CHCHD6: variants seen among roughly 807,000 people sequenced by gnomAD.
The protein encoded by CHCHD6 is MICOS complex subunit MIC25.
CHCHD6 carries 28 observed loss-of-function variants against 32.3 expected under a neutral mutation model. That is an observed-to-expected ratio of 0.87 (90% CI 0.64 to 1.19). The LOEUF is 1.19. Ranked by LOEUF, CHCHD6 falls within the 50% of genes most tolerant of loss-of-function variation. CHCHD6 has a pLI of 0.00. For synonymous variants in CHCHD6, 122 were observed against 117.5 expected (o/e 1.04, Z -0.25); for missense variants, 333 against 307.0 (o/e 1.08, Z -0.63).
chr3:126,708,295 A>G (rs1489020928), intron 1 of CHCHD6, among the ~76,000 whole-genome samples: 2 of 152,220 alleles, frequency 1.3e-5, no homozygotes, highest in African/African-American at 4.8e-5. Flanking sequence ...AAGTAACCCA[A>G]GGTCACAGTG....
At chr3:126,940,884 T>C (rs2078549981) in intron 6 of CHCHD6, among the ~76,000 whole-genome samples, 1 of 152,224 alleles carries the variant, frequency 6.6e-6, no homozygotes, top group Non-Finnish European at 1.5e-5. Flanking sequence ...TTACAGCCTT[T>C]CCCATTTTTC....
At chr3:126,863,458 G>A (rs373462178) in intron 5 of CHCHD6, among the ~76,000 whole-genome samples, 151 of 29,566 alleles carry the variant, frequency 5.1e-3, no homozygotes, top group African/African-American at 9.4e-3. Context: ...CTCCCCCACT[G>A]TCACCACCTC....
chr3:126,879,348 G>A (rs1264379384), intron 5 of CHCHD6, among the ~76,000 whole-genome samples: 1 of 152,188 alleles, frequency 6.6e-6, no homozygotes, highest in African/African-American at 2.4e-5. Context: ...TCTGCCATGG[G>A]ATCTTATAAT....
chr3:126,865,214 C>T (rs1262840382), intron 5 of CHCHD6, among the ~76,000 whole-genome samples: 2 of 149,676 alleles, frequency 1.3e-5, no homozygotes, highest in East Asian at 3.9e-4. Flanking sequence ...CCTCCTCCTC[C>T]TCCTCCACCA....
intron 4 of CHCHD6, among the ~76,000 whole-genome samples, chr3:126,811,686 T>C (rs1034161441): frequency 6.6e-6 from 1 of 152,226 alleles, no homozygotes; most frequent in Non-Finnish European, 1.5e-5. Context: ...TACACAGCTC[T>C]GCTTATTAAA....
chr3:126,805,811 G>A (rs1939342719), intron 4 of CHCHD6, among the ~76,000 whole-genome samples: 1 of 152,156 alleles, frequency 6.6e-6, no homozygotes, highest in Non-Finnish European at 1.5e-5. Context: ...ATACTACAAG[G>A]CTACAGTAAC....
At chr3:126,704,908 C>T (rs1380577967) in intron 1 of CHCHD6, among the ~76,000 whole-genome samples, 3 of 152,142 alleles carry the variant, frequency 2.0e-5, no homozygotes, top group Non-Finnish European at 2.9e-5. Context: ...GGGTTCCTAG[C>T]GCGCTTGGAT....
intron 5 of CHCHD6, among the ~76,000 whole-genome samples, chr3:126,885,792 A>C (rs142766619): frequency 8.5e-5 from 13 of 152,366 alleles, no homozygotes; most frequent in Non-Finnish European, 1.6e-4. Context: ...TTTGTATGTC[A>C]TCTTGCCTTG....
intron 4 of CHCHD6, among the ~76,000 whole-genome samples, chr3:126,785,531 A>G (rs1938154473): frequency 6.6e-6 from 1 of 152,204 alleles, no homozygotes; most frequent in African/African-American, 2.4e-5. Flanking sequence ...TGCTTGCCAC[A>G]AATGTTGTAC....
chr3:126,869,339 TA>T (rs2077435029), intron 5 of CHCHD6, among the ~76,000 whole-genome samples: 1 of 151,176 alleles, frequency 6.6e-6, no homozygotes, highest in African/African-American at 2.4e-5. Context: ...TACCGTTATT[TA>T]ATCATTTCCT....
intron 6 of CHCHD6, among the ~76,000 whole-genome samples, chr3:126,945,023 A>G (rs1230150876): frequency 1.3e-5 from 2 of 152,170 alleles, no homozygotes. Context: ...CTTAGTAAAT[A>G]GTTGTCCCTT....
intron 4 of CHCHD6, among the ~76,000 whole-genome samples, chr3:126,749,173 A>G (rs1015947745): frequency 2.7e-4 from 41 of 152,170 alleles, no homozygotes; most frequent in African/African-American, 9.7e-4. Context: ...ACTCATGGGC[A>G]TGGCAGGAAA....
At chr3:126,790,693 T>G (rs1938485969) in intron 4 of CHCHD6, among the ~76,000 whole-genome samples, 1 of 152,342 alleles carries the variant, frequency 6.6e-6, no homozygotes, top group South Asian at 2.1e-4. Flanking sequence ...TAAGGCCTTC[T>G]CTACATTGGT....
At chr3:126,882,222 T>A (rs1263854580) in intron 5 of CHCHD6, among the ~76,000 whole-genome samples, 2 of 151,760 alleles carry the variant, frequency 1.3e-5, no homozygotes, top group African/African-American at 4.8e-5. Flanking sequence ...CGGTGTGGAG[T>A]AGTGGCAAGA....
At position 126,704,345 on chromosome 3, in the gene CHCHD6, G is replaced by C; in HGVS notation, c.33G>C (p.Arg11Ser). ...GCACGGAGAGCAGCGAGGGCCGCAG[G>C]GTGTCCTTCGGAGTGGACGAGGAGG... MGSTESSEGR[R>S]VSFGVDEEER... Residue 11 changes from arginine to serine, a missense_variant, in exon 1 of 8, where the codon AGG becomes AGC. Physicochemically the swap from Arg to Ser is moderately radical, Grantham distance 110. Coordinates refer to ENST00000290913, the MANE Select transcript of CHCHD6 (RefSeq NM_032343.3). 6.3e-7 allele frequency: 1 copy of C among 1,599,172 alleles called. No homozygotes were observed. The highest frequency in any genetic ancestry group is 1.1e-5 in the South Asian group (1 of 89,096).
intron 4 of CHCHD6, among the ~76,000 whole-genome samples, chr3:126,773,552 G>A (rs992482349): frequency 2.7e-5 from 4 of 150,684 alleles, no homozygotes; most frequent in South Asian, 2.1e-4. Flanking sequence ...TTAAACTTTG[G>A]ACTATTTTTC....
chr3:126,863,336 CCAT>C (rs1942035821), intron 5 of CHCHD6, among the ~76,000 whole-genome samples: 1 of 125,674 alleles, frequency 8.0e-6, no homozygotes, highest in African/African-American at 3.3e-5. Flanking sequence ...TCCTCCTCCT[CCAT>C]CACCTCCTCC....
chr3:126,832,846 AAGG>A (rs1357096673), intron 4 of CHCHD6, among the ~76,000 whole-genome samples: 1 of 152,144 alleles, frequency 6.6e-6, no homozygotes, highest in Non-Finnish European at 1.5e-5. Flanking sequence ...CCCTTTTCAG[AAGG>A]AGAAGGGACC....
At position 126,944,213 on chromosome 3, in the gene CHCHD6, C is replaced by A. The variant is rs114135806; in HGVS notation, c.567-13203C>A. Among the ~76,000 whole-genome samples, 936 of 152,350 alleles carry A rather than the reference C, an allele frequency of 6.1e-3. 7 individuals are homozygous for A. Among genetic ancestry groups the A allele is most frequent in the African/African-American group, 0.021 (882 of 41,584 alleles). On this transcript the variant is annotated intron_variant, in intron 6 of 7. Coordinates refer to ENST00000290913, the MANE Select transcript of CHCHD6 (RefSeq NM_032343.3). Reference sequence around the variant, plus strand: ...AATGCAGGACACGGCATGGCCCAGACAGACGCCTGTTCAGCCAGGGGCTGG... The same window carrying A: ...AATGCAGGACACGGCATGGCCCAGAAAGACGCCTGTTCAGCCAGGGGCTGG...
Sources: gnomAD v4.1 joint callset for allele counts (sites outside exome capture counted in the v4.1 genomes callset) on GRCh38, gnomAD v4.1.1 for gene constraint, MANE v1.5 for transcripts, NCBI Gene and HGNC (gene_info 2026-07-23, HGNC 2026-07-21) for gene names.